The following GLI2 variants were observed in gnomAD, a reference collection of about 807,000 sequenced individuals.
GLI2 encodes transcription activator GLI2.
In GLI2, 22 loss-of-function variants were observed where a neutral mutation model predicts 78.9. That is an observed-to-expected ratio of 0.28 (90% CI 0.20 to 0.40). The LOEUF (loss-of-function observed/expected upper bound fraction) is 0.40, where lower values mean the gene tolerates loss of function less well. Ranked by LOEUF, GLI2 falls within the 10% of genes least tolerant of loss-of-function variation. The probability of loss-of-function intolerance (pLI) is 1.00; values close to 1 mark genes in which losing one functional copy is unlikely to be tolerated. For synonymous variants in GLI2, 974 were observed against 963.7 expected (o/e 1.01, Z -0.20); for missense variants, 2,097 against 2,213.2 (o/e 0.95, Z 1.05).
intron 2 of GLI2, among the ~76,000 whole-genome samples, chr2:120,824,921 G>A (rs909306121): frequency 6.6e-6 from 1 of 152,014 alleles, no homozygotes; most frequent in South Asian, 2.1e-4. Flanking sequence ...CTGTAGCCTC[G>A]ACCACCCGGG....
chr2:120,826,185 C>G (rs1309084864), intron 2 of GLI2, among the ~76,000 whole-genome samples: 1 of 152,168 alleles, frequency 6.6e-6, no homozygotes, highest in Non-Finnish European at 1.5e-5. Context: ...TTAGCAAGTT[C>G]AGCATGGAGG....
intron 2 of GLI2, among the ~76,000 whole-genome samples, chr2:120,887,676 C>T (rs1375949578): frequency 4.6e-5 from 7 of 152,218 alleles, no homozygotes; most frequent in Non-Finnish European, 1.0e-4. Flanking sequence ...GCCATTATCC[C>T]GGAGCGGGGT....
At chr2:120,930,463 G>A (rs536368856) in intron 3 of GLI2, among the ~76,000 whole-genome samples, 18 of 152,292 alleles carry the variant, frequency 1.2e-4, no homozygotes, top group Admixed American at 3.3e-4. Context: ...CAGGCCCTCC[G>A]CTGCATGCTG....
At chr2:120,775,533 G>A (rs201082665) in intron 1 of GLI2, among the ~76,000 whole-genome samples, 8 of 152,138 alleles carry the variant, frequency 5.3e-5, no homozygotes, top group East Asian at 1.9e-4. Flanking sequence ...TGCCTGCCTC[G>A]GGGTGGAGGC....
intron 2 of GLI2, among the ~76,000 whole-genome samples, chr2:120,927,070 C>T (rs1450691478): frequency 6.6e-6 from 1 of 152,222 alleles, no homozygotes; most frequent in South Asian, 2.1e-4. Context: ...CGGGCTGAGC[C>T]CAGTTTTGTG....
intron 1 of GLI2, among the ~76,000 whole-genome samples, chr2:120,746,021 G>A (rs1242307294): frequency 6.6e-6 from 1 of 152,206 alleles, no homozygotes; most frequent in Non-Finnish European, 1.5e-5. Flanking sequence ...TTCTGCAGGT[G>A]CAACCCTCAG....
chr2:120,836,210 TCAGAC>T (rs1230784629), intron 2 of GLI2, among the ~76,000 whole-genome samples: 2 of 152,180 alleles, frequency 1.3e-5, no homozygotes, highest in East Asian at 3.9e-4. Context: ...AGGAGTAGCG[TCAGAC>T]CAGAGAATGT....
chr2:120,740,525 C>G (rs565325586), intron 1 of GLI2, among the ~76,000 whole-genome samples: 156 of 151,540 alleles, frequency 1.0e-3, no homozygotes, highest in African/African-American at 3.3e-3. Context: ...AGTTTTAGTG[C>G]GTTTGCCATT....
At chr2:120,932,936 C>T (rs1680014815) in intron 3 of GLI2, among the ~76,000 whole-genome samples, 1 of 152,102 alleles carries the variant, frequency 6.6e-6, no homozygotes, top group South Asian at 2.1e-4. Context: ...TTTCTTTCCC[C>T]CAGTTGAGGA....
At chr2:120,869,837 C>T (rs980924943) in intron 2 of GLI2, among the ~76,000 whole-genome samples, 3 of 152,032 alleles carry the variant, frequency 2.0e-5, no homozygotes, top group African/African-American at 7.2e-5. Flanking sequence ...AAGGACACCC[C>T]CTCCTGAGCT....
intron 2 of GLI2, among the ~76,000 whole-genome samples, chr2:120,808,440 G>T (rs1170020505): frequency 6.6e-6 from 1 of 152,182 alleles, no homozygotes; most frequent in Non-Finnish European, 1.5e-5. Context: ...AGCTGGAGAG[G>T]GCCAGGCTTC....
At chr2:120,862,029 A>T (rs563211650) in intron 2 of GLI2, among the ~76,000 whole-genome samples, 1 of 152,326 alleles carries the variant, frequency 6.6e-6, no homozygotes, top group African/African-American at 2.4e-5. Flanking sequence ...CAGGCACCAC[A>T]GAAGGGGTGA....
rs561218089 is a variant in GLI2, at chr2:120,923,163, TACAC to T, written c.149-4193_149-4190del. Among the ~76,000 whole-genome samples, 10 of 141,884 alleles carry T rather than the reference TACAC, an allele frequency of 7.0e-5. No homozygotes were observed. In the South Asian group the frequency reaches 9.0e-4, roughly 13 times the overall value. The allele number at this position is 141,884 out of a possible 152,430, so 93.1% of individuals were successfully genotyped here. ...GCACACATACACATACACAGCAACA[TACAC>T]ACACCACCTCCACATACACACAGCA... On this transcript the variant is annotated intron_variant, in intron 2 of 13. Transcript: ENST00000361492.
At chr2:120,808,301 G>A (rs1293837677) in intron 2 of GLI2, among the ~76,000 whole-genome samples, 1 of 152,186 alleles carries the variant, frequency 6.6e-6, no homozygotes, top group East Asian at 1.9e-4. Context: ...GGAAGTCCCT[G>A]CCCCCGCCGA....
At chr2:120,802,342 T>G (rs1166304269) in intron 2 of GLI2, among the ~76,000 whole-genome samples, 1 of 152,276 alleles carries the variant, frequency 6.6e-6, no homozygotes, top group East Asian at 1.9e-4. Context: ...GAAAGGTTAG[T>G]TTAATCATCT....
At chr2:120,901,032 A>T (rs1678227071) in intron 2 of GLI2, among the ~76,000 whole-genome samples, 1 of 152,190 alleles carries the variant, frequency 6.6e-6, no homozygotes, top group Non-Finnish European at 1.5e-5. Context: ...TCACACACCC[A>T]CATACTTACC....
chr2:120,986,499 G>T lies in GLI2; in HGVS notation c.2127G>T (p.Met709Ile). ...GLQLRKHMTT[M>I]HRFEQLKKEK... Reference sequence around the variant, plus strand: ...AGCTGCGCAAACACATGACCACCATGCACCGGTTCGAGCAGCTCAAGAAGG... The same window carrying T: ...AGCTGCGCAAACACATGACCACCATTCACCGGTTCGAGCAGCTCAAGAAGG... Residue 709 changes from methionine (M) to isoleucine (I), a missense_variant, in exon 13 of 14, where the codon ATG becomes ATT. Physicochemically the swap from Met to Ile is conservative, Grantham distance 10. This residue lies in a region of GLI2 where 1,290 missense variants were observed against 1,261.7 expected (regional missense o/e 1.02). Transcript: ENST00000361492. 1 of 1,614,122 alleles carries T rather than the reference G, an allele frequency of 6.2e-7. No individual in the cohort carries two copies. Among genetic ancestry groups the T allele is most frequent in the Non-Finnish European group, 8.5e-7 (1 of 1,180,040 alleles).
chr2:120,984,335 T>C, intron 11 of GLI2, 136 bp from the exon 12 acceptor site: 1 of 921,084 alleles, frequency 1.1e-6, no homozygotes, highest in Non-Finnish European at 1.8e-6. Context: ...GGCTGCAAAT[T>C]TGACACAGCA....
chr2:120,838,343 T>C (rs560224764), intron 2 of GLI2, among the ~76,000 whole-genome samples: 14 of 152,346 alleles, frequency 9.2e-5, no homozygotes, highest in African/African-American at 3.4e-4. Context: ...AAATTTTATA[T>C]ATTGATTGTA....
Sources: gnomAD v4.1 joint callset for allele counts (sites outside exome capture counted in the v4.1 genomes callset) on GRCh38, gnomAD v4.1.1 for gene constraint, gnomAD v4.1.1 regional missense constraint, MANE v1.5 for transcripts, NCBI Gene and HGNC (gene_info 2026-07-23, HGNC 2026-07-21) for gene names.